MAOB: variants seen among roughly 807,000 people sequenced by gnomAD.
MAOB encodes the protein amine oxidase [flavin-containing] B.
In MAOB, 15 loss-of-function variants were observed where a neutral mutation model predicts 41.9. The ratio of observed to expected loss-of-function variants is 0.36; its 90% CI spans 0.24 to 0.55. The LOEUF is 0.55. Ranked by LOEUF, MAOB falls within the 20% of genes least tolerant of loss-of-function variation. The pLI, the probability that MAOB is intolerant of heterozygous loss-of-function variation, is 0.86. For missense variants in MAOB, 345 were observed against 398.7 expected (o/e 0.87, Z 1.15); for synonymous variants, 167 against 144.2 (o/e 1.16, Z -1.13).
chrX:43,857,687 C>T (rs1236576876), intron 1 of MAOB, among the ~76,000 whole-genome samples: 6 of 110,921 alleles, frequency 5.4e-5, no homozygotes, highest in Admixed American at 1.9e-4. Context: ...TCCCACCTCC[C>T]GAGTGCTAGC....
rs1374153164 is a variant in MAOB at position 43,794,025 on chromosome X, C to CA, written c.769-448dup. On this transcript the variant is annotated intron_variant, in intron 7 of 14. Transcript: ENST00000378069. ...CAGAGTAGCTGGGACTACAGGTGTG[C>CA]ACCACCACACCCAGCTAATTTTTGT... Among the ~76,000 whole-genome samples the CA allele has an allele frequency of 2.7e-5, 3 of 111,860 alleles. No homozygotes were observed. In the East Asian group the frequency reaches 8.5e-4, roughly 32 times the overall value.
chrX:43,814,800 T>C (rs987908877), intron 3 of MAOB, among the ~76,000 whole-genome samples: 1 of 112,299 alleles, frequency 8.9e-6, no homozygotes, highest in Non-Finnish European at 1.9e-5. Flanking sequence ...AGTACTAAAA[T>C]AAGAAGAATT....
At chrX:43,769,897 T>C (rs1184540955) in intron 12 of MAOB, among the ~76,000 whole-genome samples, 1 of 111,831 alleles carries the variant, frequency 8.9e-6, no homozygotes, top group Non-Finnish European at 1.9e-5. Flanking sequence ...ATCAGTAACA[T>C]TTAACAAATC....
At chrX:43,879,835 A>G (rs1279828552) in intron 1 of MAOB, among the ~76,000 whole-genome samples, 1 of 112,036 alleles carries the variant, frequency 8.9e-6, no homozygotes, top group Non-Finnish European at 1.9e-5. Context: ...ACTCTCCGCA[A>G]TGAAGTTCTT....
At chrX:43,784,955 C>T (rs2147127283) in intron 8 of MAOB, among the ~76,000 whole-genome samples, 1 of 112,236 alleles carries the variant, frequency 8.9e-6, no homozygotes, top group African/African-American at 3.2e-5. Context: ...CAAGACCAGC[C>T]TGGCCAACAT....
chrX:43,862,097 C>G (rs2035336027), intron 1 of MAOB, among the ~76,000 whole-genome samples: 1 of 111,714 alleles, frequency 9.0e-6, no homozygotes, highest in Non-Finnish European at 1.9e-5. Flanking sequence ...AAATCCTTTG[C>G]CAACTCAAAA....
Position 43,843,363 on chromosome X carries a change from A to T in MAOB, c.141+307T>A, listed in dbSNP as rs1015629941. Among the ~76,000 whole-genome samples the T allele has an allele frequency of 3.4e-3, 179 of 52,225 alleles. 3 individuals carry two copies. The highest frequency in any genetic ancestry group is 0.022 in the African/African-American group (154 of 7,114). 45.4% of individuals were successfully genotyped at this position (52,225 alleles called of 115,157 possible). ...TCCTATTTCTCTCTCTGTCTCACAC[A>T]CACACACACACACACACACACACAC... On this transcript the variant is annotated intron_variant, in intron 2 of 14. Coordinates refer to ENST00000378069, the MANE Select transcript of MAOB (RefSeq NM_000898.5).
intron 8 of MAOB, among the ~76,000 whole-genome samples, chrX:43,787,659 T>TATTTTTTAATAAATA (rs1198365629): frequency 8.9e-6 from 1 of 112,252 alleles, no homozygotes; most frequent in African/African-American, 3.2e-5. Flanking sequence ...AGTGATAGTT[T>TATTTTTTAATAAATA]ATGTGTACAT....
chrX:43,825,229 A>T (rs903287319), intron 3 of MAOB, among the ~76,000 whole-genome samples: 7 of 110,752 alleles, frequency 6.3e-5, no homozygotes, highest in Non-Finnish European at 1.3e-4. Flanking sequence ...TTTGAGAACC[A>T]CTGTTTCCCT....
chrX:43,837,988 T>C (rs1284142124), intron 3 of MAOB: 2 of 329,159 alleles, frequency 6.1e-6, no homozygotes, highest in East Asian at 2.0e-4. Context: ...GGTGGGAGAC[T>C]GGAATCTGCA....
At chrX:43,784,322 G>A (rs2034372936) in intron 8 of MAOB, among the ~76,000 whole-genome samples, 2 of 112,453 alleles carry the variant, frequency 1.8e-5, no homozygotes, top group African/African-American at 6.5e-5. Flanking sequence ...AGGACTGTAA[G>A]GCAGGTATAG....
chrX:43,788,865 TAG>T (rs1390567860), intron 8 of MAOB, among the ~76,000 whole-genome samples: 1 of 111,425 alleles, frequency 9.0e-6, no homozygotes, highest in African/African-American at 3.3e-5. Context: ...CCAGTATATA[TAG>T]TTCTCTCTAC....
rs761234748 is a variant in MAOB, at chrX:43,802,397, TAA to T, written c.385-136_385-135del. The T allele has an allele frequency of 1.9e-3, 910 of 472,109 alleles. 5 individuals are homozygous for T. Among genetic ancestry groups the T allele is most frequent in the African/African-American group, 0.019 (792 of 41,349 alleles). 38.9% of individuals were successfully genotyped at this position (472,109 alleles called of 1,213,427 possible). A position where few individuals can be genotyped will look rare whatever the true frequency, so the allele number is the denominator to read the frequency against. On this transcript the variant is annotated intron_variant, in intron 4 of 14. Transcript: ENST00000378069. ...ACTCTACCTTAAAGAGGAAAAATGT[TAA>T]GTTTTCCAAATTCATCCAATATTGC...
intron 3 of MAOB, among the ~76,000 whole-genome samples, chrX:43,818,383 A>T (rs1401205046): frequency 8.9e-6 from 1 of 112,118 alleles, no homozygotes; most frequent in East Asian, 2.8e-4. Context: ...TAGGATAAAC[A>T]TCTTCGCCAG....
At position 43,789,953 on chromosome X, in the gene MAOB, A is replaced by G. The variant is rs2034444132; in HGVS notation, c.928+3466T>C. Among the ~76,000 whole-genome samples the G allele has an allele frequency of 3.6e-5, 4 of 111,704 alleles. 1 individual carries two copies. In the South Asian group the frequency reaches 1.5e-3, roughly 42 times the overall value. On this transcript the variant is annotated intron_variant, in intron 8 of 14. Transcript: ENST00000378069. ...ATTGGGTGGGGGGTGTGGAGGGGAG[A>G]AGCAATCAAGAGTTGGCTACCACTG...
intron 4 of MAOB, 37 bp from the exon 5 acceptor site, chrX:43,802,300 T>C (rs780829911): frequency 1.1e-6 from 1 of 911,046 alleles, no homozygotes; most frequent in South Asian, 2.3e-5. Flanking sequence ...GAAAGACAAA[T>C]GTAATTTTCT....
In MAOB at chrX:43,786,425, G is replaced by A. The variant is rs141880961; in HGVS notation, c.929-4881C>T. On this transcript the variant is annotated intron_variant, in intron 8 of 14. Coordinates refer to ENST00000378069, the MANE Select transcript of MAOB (RefSeq NM_000898.5). ...TTTAAAGGGAACTTGTCTCTTTCTC[G>A]TCTCCTGCACCCCTCCCCACTGTGC... Among the ~76,000 whole-genome samples, 522 of 111,483 alleles carry A rather than the reference G, an allele frequency of 4.7e-3. 1 individual carries two copies. The highest frequency in any genetic ancestry group is 4.6e-3 in the Non-Finnish European group (245 of 53,141).
chrX:43,857,818 G>C (rs1312592883), intron 1 of MAOB, among the ~76,000 whole-genome samples: 1 of 111,938 alleles, frequency 8.9e-6, no homozygotes, highest in East Asian at 2.8e-4. Context: ...CCAGGGAGCT[G>C]AATAGAATAG....
chrX:43,797,010 GCTCTAAAAGCCACAAGCCTGCTTCCCA>G, intron 6 of MAOB, 88 bp downstream of exon 6: 1 of 766,683 alleles, frequency 1.3e-6, no homozygotes, highest in South Asian at 3.3e-5. Flanking sequence ...CCATGGTAAT[GCTCTAAAAGCCACAAGCCTGCTTCCCA>G]CTTCAGCAGT....
Sources: allele counts gnomAD v4.1 joint callset (sites outside exome capture counted in the v4.1 genomes callset), GRCh38; gene constraint gnomAD v4.1.1; transcripts MANE v1.5; gene names NCBI Gene and HGNC (gene_info 2026-07-23, HGNC 2026-07-21).